DGCR2: variants seen among roughly 807,000 people sequenced by gnomAD.
DGCR2 encodes the protein integral membrane protein DGCR2/IDD.
A neutral mutation model predicts 51.6 loss-of-function variants in DGCR2; 24 were observed. The observed-to-expected ratio is 0.47, with a 90% CI of 0.34 to 0.65. The LOEUF (loss-of-function observed/expected upper bound fraction) is 0.65, where lower values mean the gene tolerates loss of function less well. DGCR2 is among the 30% of genes least tolerant of loss of function. The pLI is 0.01. For missense variants in DGCR2, 765 were observed against 772.1 expected (o/e 0.99, Z 0.11); for synonymous variants, 340 against 315.4 (o/e 1.08, Z -0.82).
chr22:19,051,977 C>T (rs2082553199), intron 6 of DGCR2, among the ~76,000 whole-genome samples: 2 of 152,090 alleles, frequency 1.3e-5, no homozygotes, highest in South Asian at 2.1e-4. Context: ...ATCACTCCTA[C>T]GTTGAATCAC....
In DGCR2 at chr22:19,041,912, C is replaced by T. The variant is rs140698397; in HGVS notation, c.1054G>A (p.Val352Ile). The change falls in exon 8 of 10, where the codon GTC becomes ATC. Residue 352 changes from valine to isoleucine, a missense_variant. Transcript: ENST00000263196. ...DSMASGMRLV[V>I]SCISSFLILS... ...ATGAGGAAGGAGGAGATGCAGCTGA[C>T]GACCAGGCGCATCCCGCTGGCCATG... The T allele has an allele frequency of 1.4e-5, 23 of 1,613,504 alleles. No homozygotes were observed. The highest frequency in any genetic ancestry group is 3.3e-5 in the Admixed American group (2 of 59,968).
chr22:19,039,183 G>A lies in DGCR2; in HGVS notation c.1397-62C>T, dbSNP rs2082404882. 1.9e-6 allele frequency: 3 copies of A among 1,592,956 alleles called. No individual in the cohort carries two copies. In the East Asian group the frequency reaches 6.7e-5, roughly 36 times the overall value. ...CGGGCCTGGCACAGGGGATGCAGGG[G>A]AGCTAGGCAAAACCAGGAGACACTC... On this transcript the variant is annotated intron_variant, in intron 9 of 9. Coordinates refer to ENST00000263196, the MANE Select transcript of DGCR2 (RefSeq NM_005137.3).
chr22:19,058,846 A>T (rs1230615479), intron 5 of DGCR2, among the ~76,000 whole-genome samples: 6 of 152,088 alleles, frequency 3.9e-5, no homozygotes, highest in Admixed American at 3.3e-4. Context: ...TTCGTGTGGC[A>T]CTCTAGGCCA....
At chr22:19,048,396 CCAAA>C in intron 7 of DGCR2, 40 bp downstream of exon 7, 1 of 1,607,052 alleles carries the variant, frequency 6.2e-7, no homozygotes, top group Non-Finnish European at 8.5e-7. Context: ...GCCTCCAGCC[CCAAA>C]TAGGGAGGCT....
intron 5 of DGCR2, among the ~76,000 whole-genome samples, chr22:19,062,775 G>GCTGTCTCTCTCTCTCTCTCT: frequency 9.2e-6 from 1 of 108,966 alleles, no homozygotes; most frequent in Non-Finnish European, 1.9e-5. Context: ...ACACATGCAT[G>GCTGTCTCTCTCTCTCTCTCT]CTCACTCTCT....
chr22:19,060,009 G>A (rs550600880), intron 5 of DGCR2, among the ~76,000 whole-genome samples: 11 of 152,060 alleles, frequency 7.2e-5, no homozygotes, highest in South Asian at 4.2e-4. Context: ...GCCTCCACTC[G>A]GGCCCACCAG....
At chr22:19,069,227 A>C (rs1246931678) in intron 2 of DGCR2, among the ~76,000 whole-genome samples, 2 of 152,210 alleles carry the variant, frequency 1.3e-5, no homozygotes, top group Non-Finnish European at 2.9e-5. Flanking sequence ...TCGGCTCCCC[A>C]AGGGAGGTCA....
chr22:19,038,966 G>C lies in DGCR2; in HGVS notation c.1552C>G (p.Leu518Val). Residue 518 changes from leucine (L) to valine (V), a missense_variant, in exon 10 of 10, where the codon CTC becomes GTC. Leu to Val is a conservative substitution (Grantham distance 32). Coordinates refer to ENST00000263196, the MANE Select transcript of DGCR2 (RefSeq NM_005137.3). ...EDSADSSSAL[L>V]VPPDPAQSGS... ...CTCTGGGCAGGGTCAGGGGGCACGA[G>C]CAGGGCGCTGCTGCTGTCGGCAGAG... The C allele has an allele frequency of 2.5e-6, 4 of 1,611,940 alleles. No homozygotes were observed. Among genetic ancestry groups the C allele is most frequent in the Non-Finnish European group, 2.5e-6 (3 of 1,179,432 alleles).
At chr22:19,041,719 T>C in intron 8 of DGCR2, 88 bp downstream of exon 8, 1 of 1,458,622 alleles carries the variant, frequency 6.9e-7, no homozygotes, top group Non-Finnish European at 9.3e-7. Flanking sequence ...TCTGCCCCTC[T>C]CTGTCCAGGG....
At chr22:19,090,201 A>C (rs1027438474) in intron 1 of DGCR2, among the ~76,000 whole-genome samples, 2 of 152,216 alleles carry the variant, frequency 1.3e-5, no homozygotes, top group African/African-American at 2.4e-5. Flanking sequence ...AAAATGTGCA[A>C]ATCATCAGTA....
intron 1 of DGCR2, among the ~76,000 whole-genome samples, chr22:19,121,251 C>T (rs1027625700): frequency 6.6e-6 from 1 of 152,158 alleles, no homozygotes; most frequent in Non-Finnish European, 1.5e-5. Context: ...TATTAATATA[C>T]ATACGAAAAC....
At chr22:19,068,506 C>A (rs5993491) in intron 2 of DGCR2, among the ~76,000 whole-genome samples, 20,030 of 152,268 alleles carry the variant, frequency 0.13, 2,147 homozygotes, top group African/African-American at 0.29. Context: ...CAGGTCATTG[C>A]TAGCACAGCA....
chr22:19,042,029 C>A, intron 7 of DGCR2, 70 bp from the exon 8 acceptor site: 2 of 1,531,092 alleles, frequency 1.3e-6, no homozygotes, highest in South Asian at 1.3e-5. Context: ...GGGATGCTGT[C>A]GTCCTCCTGC....
chr22:19,060,218 G>A (rs2082645924), intron 5 of DGCR2, among the ~76,000 whole-genome samples: 1 of 152,240 alleles, frequency 6.6e-6, no homozygotes, highest in South Asian at 2.1e-4. Context: ...ACTGCTGACT[G>A]AGGCTTCTAA....
At chr22:19,113,876 T>C (rs950971462) in intron 1 of DGCR2, among the ~76,000 whole-genome samples, 2 of 152,008 alleles carry the variant, frequency 1.3e-5, no homozygotes, top group African/African-American at 4.8e-5. Context: ...CCAGCCAACA[T>C]GGCAAAATCC....
At chr22:19,049,454 TAC>T (rs749122037) in intron 6 of DGCR2, among the ~76,000 whole-genome samples, 31 of 152,130 alleles carry the variant, frequency 2.0e-4, no homozygotes, top group Admixed American at 2.0e-3. Context: ...GGTAGCTTCT[TAC>T]AGTCTCCAAA....
chr22:19,109,180 T>C (rs1354736161), intron 1 of DGCR2, among the ~76,000 whole-genome samples: 2 of 152,228 alleles, frequency 1.3e-5, no homozygotes, highest in Non-Finnish European at 2.9e-5. Flanking sequence ...AGAACTCATG[T>C]ACATCGTTGG....
chr22:19,041,708 C>T (rs1235480445), intron 8 of DGCR2, 99 bp downstream of exon 8: 3 of 1,396,610 alleles, frequency 2.1e-6, no homozygotes, highest in Admixed American at 2.1e-5. Context: ...TCAAACCTGC[C>T]TCTGCCCCTC....
Position 19,039,550 on chromosome 22 carries a change from G to A in DGCR2, c.1397-429C>T, listed in dbSNP as rs575604585. ...AGGGAGGCACTGGGCCCAGGTGGGT[G>A]GAAGAACATTCAGGGCTGCAGCTGG... On this transcript the variant is annotated intron_variant, in intron 9 of 9. Transcript: ENST00000263196. Among the ~76,000 whole-genome samples the A allele has an allele frequency of 3.0e-4, 46 of 152,274 alleles. 1 individual carries two copies. The highest frequency in any genetic ancestry group is 5.6e-4 in the Non-Finnish European group (38 of 68,020).
Sources: gnomAD v4.1 joint callset for allele counts (sites outside exome capture counted in the v4.1 genomes callset) on GRCh38, gnomAD v4.1.1 for gene constraint, MANE v1.5 for transcripts, NCBI Gene and HGNC (gene_info 2026-07-23, HGNC 2026-07-21) for gene names.